The following PRDM1 variants were observed in gnomAD, a reference collection of about 807,000 sequenced individuals.
PRDM1 encodes PR/SET domain 1, also known as PR domain zinc finger protein 1.
PRDM1 carries 13 observed loss-of-function variants against 62.8 expected under a neutral mutation model. The ratio of observed to expected loss-of-function variants is 0.21; its 90% CI spans 0.13 to 0.33. The LOEUF is 0.33. PRDM1 is among the 10% of genes least tolerant of loss of function. PRDM1 has a pLI of 1.00. For missense variants in PRDM1, 895 were observed against 1,058.8 expected (o/e 0.85, Z 2.15); for synonymous variants, 396 against 417.6 (o/e 0.95, Z 0.63).
At chr6:106,030,164 T>C (rs554011215) in intron 1 of PRDM1, among the ~76,000 whole-genome samples, 1 of 152,232 alleles carries the variant, frequency 6.6e-6, no homozygotes, top group East Asian at 1.9e-4. Flanking sequence ...GGCTTGCCAT[T>C]TTGTTTTGTT....
At position 106,109,376 on chromosome 6, in the gene PRDM1, T is replaced by C. The variant is rs918994308; in HGVS notation, c.*1890T>C. The C allele has an allele frequency of 4.3e-6, 1 of 233,084 alleles. No homozygotes were observed. The highest frequency in any genetic ancestry group is 2.2e-5 in the African/African-American group (1 of 45,342). 14.4% of individuals were successfully genotyped at this position (233,084 alleles called of 1,614,324 possible). On this transcript the variant is annotated 3_prime_UTR_variant, in exon 7 of 7. Transcript: ENST00000369096. ...AAACTGACTTTACCGCTGCAATTTT[T>C]CTGTTTTCCTCCTTACTAAATACTG...
intron 1 of PRDM1, among the ~76,000 whole-genome samples, chr6:106,040,303 C>A (rs1026304955): frequency 2.0e-5 from 3 of 152,188 alleles, no homozygotes; most frequent in Non-Finnish European, 2.9e-5. Context: ...CCTCTTCTCT[C>A]CAGGACCATT....
intron 1 of PRDM1, among the ~76,000 whole-genome samples, chr6:106,029,171 G>A (rs1024681916): frequency 7.9e-5 from 12 of 152,038 alleles, no homozygotes; most frequent in Admixed American, 1.3e-4. Context: ...CGCCTGCCTT[G>A]GCCTCCCAAA....
chr6:106,102,236 C>T (rs1361444615), intron 4 of PRDM1, among the ~76,000 whole-genome samples: 1 of 152,180 alleles, frequency 6.6e-6, no homozygotes, highest in Non-Finnish European at 1.5e-5. Context: ...TTTAAGATTT[C>T]AGAACAAAAA....
chr6:106,041,492 A>G (rs2053361424), intron 1 of PRDM1, among the ~76,000 whole-genome samples: 1 of 152,178 alleles, frequency 6.6e-6, no homozygotes, highest in Non-Finnish European at 1.5e-5. Context: ...TTCAAGTAAT[A>G]CCTACTAATT....
intron 1 of PRDM1, among the ~76,000 whole-genome samples, chr6:106,086,869 CTATTT>C (rs1166498695): frequency 6.6e-6 from 1 of 151,980 alleles, no homozygotes; most frequent in African/African-American, 2.4e-5. Context: ...CTGAAGTTTT[CTATTT>C]TATTTTATTT....
intron 2 of PRDM1, 73 bp downstream of exon 2, chr6:106,088,522 G>C: frequency 6.5e-7 from 1 of 1,544,972 alleles, no homozygotes; most frequent in Non-Finnish European, 8.9e-7. Flanking sequence ...TTGAGGCCTT[G>C]TATATCTCTG....
intron 1 of PRDM1, among the ~76,000 whole-genome samples, chr6:106,028,755 C>G (rs1031139851): frequency 6.6e-6 from 1 of 152,044 alleles, no homozygotes; most frequent in East Asian, 1.9e-4. Flanking sequence ...ACCCCCACCC[C>G]CGAAGTTTTC....
intron 2 of PRDM1, among the ~76,000 whole-genome samples, chr6:106,092,230 T>G (rs1773984863): frequency 6.6e-6 from 1 of 151,864 alleles, no homozygotes. Flanking sequence ...TCCTTCATTG[T>G]GTAAAATTGA....
chr6:106,055,605 G>T (rs564427125), intron 1 of PRDM1, among the ~76,000 whole-genome samples: 2 of 152,220 alleles, frequency 1.3e-5, no homozygotes, highest in Non-Finnish European at 2.9e-5. Context: ...GGGACCTTGT[G>T]TCTCCCTAAC....
chr6:106,043,632 T>C (rs963209411), upstream of PRDM1, among the ~76,000 whole-genome samples: 2 of 152,134 alleles, frequency 1.3e-5, no homozygotes, highest in South Asian at 4.2e-4. Context: ...CTCTCCCGGG[T>C]TCAAGCGATT....
intron 1 of PRDM1, among the ~76,000 whole-genome samples, chr6:106,071,351 T>C (rs780053328): frequency 1.3e-5 from 2 of 152,180 alleles, no homozygotes; most frequent in Non-Finnish European, 2.9e-5. Context: ...ATATGTTATA[T>C]ATGTATGTAT....
intron 3 of PRDM1, among the ~76,000 whole-genome samples, chr6:106,096,730 TA>T (rs776242878): frequency 1.6e-4 from 25 of 152,208 alleles, no homozygotes; most frequent in Non-Finnish European, 3.2e-4. Flanking sequence ...GTGAACCAAT[TA>T]GATGGAATCC....
chr6:106,085,985 G>A (rs1036252555), upstream of PRDM1, among the ~76,000 whole-genome samples: 1 of 152,112 alleles, frequency 6.6e-6, no homozygotes, highest in Non-Finnish European at 1.5e-5. Context: ...TGTACCTGGG[G>A]ATTTGAGCTG....
intron 4 of PRDM1, among the ~76,000 whole-genome samples, chr6:106,101,256 G>T (rs962162767): frequency 2.6e-5 from 4 of 151,998 alleles, no homozygotes; most frequent in South Asian, 4.2e-4. Context: ...CAGTTCATTT[G>T]AGGTGACCTA....
chr6:106,088,378 G>A lies in PRDM1; in HGVS notation c.220G>A (p.Gly74Ser), dbSNP rs2185379. 58,906 of 1,614,036 alleles carry A rather than the reference G, an allele frequency of 0.036. 1,396 individuals are homozygous for A. The highest frequency in any genetic ancestry group is 0.096 in the East Asian group (4,301 of 44,880). ...CCCCTGGGATTCTGGTGCTGATGGC[G>A]GTACTTCGGTTCAGGCGGAGGCATC... ...DHPWDSGADG[G>S]TSVQAEASLP... Residue 74 changes from glycine to serine, a missense_variant, in exon 2 of 7, where the codon GGT (glycine) becomes AGT (serine). Transcript: ENST00000369096.
intron 1 of PRDM1, among the ~76,000 whole-genome samples, chr6:106,008,782 TA>T (rs1434319240): frequency 6.6e-6 from 1 of 152,212 alleles, no homozygotes; most frequent in Non-Finnish European, 1.5e-5. Context: ...ATGCTTTGTC[TA>T]AAATAGATGC....
chr6:106,017,185 G>A (rs922994706), intron 1 of PRDM1, among the ~76,000 whole-genome samples: 1 of 152,200 alleles, frequency 6.6e-6, no homozygotes, highest in African/African-American at 2.4e-5. Flanking sequence ...GGAGTCAAAA[G>A]TTATATGCAG....
At chr6:106,039,294 G>GA (rs1199635475) in intron 1 of PRDM1, among the ~76,000 whole-genome samples, 10 of 152,264 alleles carry the variant, frequency 6.6e-5, no homozygotes, top group Admixed American at 2.0e-4. Context: ...AAAATAGACA[G>GA]AGAGCCTTTT....
Sources: gnomAD v4.1 joint callset for allele counts (sites outside exome capture counted in the v4.1 genomes callset) on GRCh38, gnomAD v4.1.1 for gene constraint, MANE v1.5 for transcripts, NCBI Gene and HGNC (gene_info 2026-07-23, HGNC 2026-07-21) for gene names.